The following ECPAS variants were observed in gnomAD, a reference collection of about 807,000 sequenced individuals.
The protein encoded by ECPAS is proteasome adapter and scaffold protein ECM29.
ECPAS carries 70 observed loss-of-function variants against 255.1 expected under a neutral mutation model. That is an observed-to-expected ratio of 0.27 (90% CI 0.23 to 0.33). ECPAS has a LOEUF of 0.33. Among genes scored for constraint, ECPAS ranks in the 10% least tolerant of loss-of-function variants. The pLI, the probability that ECPAS is intolerant of heterozygous loss-of-function variation, is 1.00. For missense variants in ECPAS, 1,817 were observed against 2,206.4 expected (o/e 0.82, Z 3.54); for synonymous variants, 784 against 775.0 (o/e 1.01, Z -0.19).
At chr9:111,389,136 A>G (rs1000942925) in intron 31 of ECPAS, among the ~76,000 whole-genome samples, 15 of 152,242 alleles carry the variant, frequency 9.9e-5, no homozygotes, top group Admixed American at 8.5e-4. Flanking sequence ...GGGACAGAAC[A>G]TGATTAACAG....
intron 3 of ECPAS, among the ~76,000 whole-genome samples, chr9:111,448,365 T>C (rs2098255990): frequency 6.6e-6 from 1 of 152,048 alleles, no homozygotes; most frequent in Non-Finnish European, 1.5e-5. Flanking sequence ...TTAACAATAC[T>C]AATTTTGGAT....
rs780465272 is a variant in ECPAS at position 111,371,642 on chromosome 9, A to C, written c.4716T>G (p.Ala1572=). ...TTACCTTTCCTGCCCACGTTCTTCC[A>C]GCCAGGCCTTGCAGCAATGCGGTCA... ...MILTALLQGL[A]GRTWAGKEEL... is the part of the protein sequence containing the mutation. Residue 1572 remains alanine, a synonymous_variant, in exon 43 of 50, where the codon GCT becomes GCG. Coordinates refer to ENST00000684092, the MANE Select transcript of ECPAS (RefSeq NM_001364929.1). 6.2e-7 allele frequency: 1 copy of C among 1,613,834 alleles called. No homozygotes were observed. Among genetic ancestry groups the C allele is most frequent in the Non-Finnish European group, 8.5e-7 (1 of 1,179,784 alleles).
In ECPAS at chr9:111,378,680, G is replaced by T. The variant is rs774721583; in HGVS notation, c.3854C>A (p.Pro1285Gln). The stretch of plus-strand genomic sequence containing the variant: ...AGCTGGAATGAGTTTTGGTGCATGC[G>T]GTTTCAACATGGCTCCTGCACTTTT... ...ISKSAGAMLK[P>Q]HAPKLIPALL... Residue 1285 changes from proline to glutamine, a missense_variant, in exon 36 of 50, where the codon CCG becomes CAG. Pro to Gln is a moderately conservative substitution (Grantham distance 76, BLOSUM62 -1). Transcript: ENST00000684092. 4 of 1,613,686 alleles carry T rather than the reference G, an allele frequency of 2.5e-6. No homozygotes were observed. In the African/African-American group the frequency reaches 5.3e-5, roughly 22 times the overall value.
At chr9:111,441,213 A>G (rs2098245542) in intron 5 of ECPAS, among the ~76,000 whole-genome samples, 1 of 151,016 alleles carries the variant, frequency 6.6e-6, no homozygotes, top group Non-Finnish European at 1.5e-5. Context: ...AAAAAAAAGA[A>G]TTATTTTCGG....
At chr9:111,390,836 C>A (rs559995830) in intron 29 of ECPAS, among the ~76,000 whole-genome samples, 1 of 152,312 alleles carries the variant, frequency 6.6e-6, no homozygotes, top group Non-Finnish European at 1.5e-5. Context: ...ATTTTAAATG[C>A]TAAAGTAGTG....
In ECPAS at chr9:111,371,664, G is replaced by T. The variant is rs748113907; in HGVS notation, c.4694C>A (p.Thr1565Asn). Reference sequence around the variant, plus strand: ...TCCAGCCAGGCCTTGCAGCAATGCGGTCAGTATCATTCCGAGATATGGAGG... The same window carrying T: ...TCCAGCCAGGCCTTGCAGCAATGCGTTCAGTATCATTCCGAGATATGGAGG... ...LVPPYLGMIL[T>N]ALLQGLAGRT... Residue 1565 changes from threonine (T) to asparagine (N), a missense_variant, in exon 43 of 50, where the codon ACC (threonine) becomes AAC (asparagine). Around this residue, in one of 4 missense-constraint regions of ECPAS, gnomAD observed 960 missense variants for 1,179.0 expected, o/e 0.81. Coordinates refer to ENST00000684092, the MANE Select transcript of ECPAS (RefSeq NM_001364929.1). 1.2e-6 allele frequency: 2 copies of T among 1,613,712 alleles called. No homozygotes were observed. Among genetic ancestry groups the T allele is most frequent in the African/African-American group, 2.7e-5 (2 of 74,884 alleles).
intron 1 of ECPAS, among the ~76,000 whole-genome samples, chr9:111,479,491 A>G (rs1487376659): frequency 6.6e-6 from 1 of 150,872 alleles, no homozygotes; most frequent in African/African-American, 2.4e-5. Flanking sequence ...TACTCGGGAG[A>G]CTGAGGCAGA....
rs769432688 is a variant in ECPAS at position 111,413,995 on chromosome 9, G to A, written c.1988-9C>T. 6 of 1,544,022 alleles carry A rather than the reference G, an allele frequency of 3.9e-6. No homozygotes were observed. The Admixed American group carries it at 7.8e-5, about 20-fold the overall frequency. On this transcript the variant is annotated splice_polypyrimidine_tract_variant and intron_variant, in intron 19 of 49. Transcript: ENST00000684092. ...GTACATAACCGGCAAACCTAAATAAGAATTCAGAATCACCTTAAATTTCAA... is the reference window on the plus strand; with the variant it reads ...GTACATAACCGGCAAACCTAAATAAAAATTCAGAATCACCTTAAATTTCAA...
intron 24 of ECPAS, among the ~76,000 whole-genome samples, chr9:111,401,197 A>G (rs2098175459): frequency 6.6e-6 from 1 of 152,234 alleles, no homozygotes; most frequent in East Asian, 1.9e-4. Flanking sequence ...TATCAGGGGA[A>G]CCAGCCCCCA....
intron 38 of ECPAS, 51 bp from the exon 39 acceptor site, chr9:111,374,089 C>A: frequency 7.0e-7 from 1 of 1,432,062 alleles, no homozygotes; most frequent in Non-Finnish European, 9.8e-7. Context: ...CAATGTTCTA[C>A]CTACCAAACC....
In ECPAS at chr9:111,469,458, C is replaced by T. The variant is rs184032243; in HGVS notation, c.22+3439G>A. On this transcript the variant is annotated intron_variant, in intron 2 of 49. Coordinates refer to ENST00000684092, the MANE Select transcript of ECPAS (RefSeq NM_001364929.1). Reference sequence around the variant, plus strand: ...CTGAGGCAGGAGAATGATTTGAACCCGGGAGGTGGAGCAGTGAGCCGAGAT... The same window carrying T: ...CTGAGGCAGGAGAATGATTTGAACCTGGGAGGTGGAGCAGTGAGCCGAGAT... Among the ~76,000 whole-genome samples the T allele has an allele frequency of 1.0e-3, 156 of 151,748 alleles. 3 individuals are homozygous for T. The East Asian group carries it at 0.019, about 19-fold the overall frequency.
chr9:111,437,704 A>G (rs2098240178), intron 6 of ECPAS, among the ~76,000 whole-genome samples: 1 of 152,180 alleles, frequency 6.6e-6, no homozygotes, highest in African/African-American at 2.4e-5. Flanking sequence ...AAGTTACACA[A>G]GAACTGACTT....
At chr9:111,447,442 T>A (rs2098254776) in intron 3 of ECPAS, among the ~76,000 whole-genome samples, 1 of 152,200 alleles carries the variant, frequency 6.6e-6, no homozygotes. Flanking sequence ...GATTAATTAC[T>A]TAATTTTCTA....
At chr9:111,463,220 A>G (rs2098275330) in intron 2 of ECPAS, among the ~76,000 whole-genome samples, 1 of 152,230 alleles carries the variant, frequency 6.6e-6, no homozygotes, top group Non-Finnish European at 1.5e-5. Context: ...AAACACCGCT[A>G]GTTAGTGCCA....
intron 20 of ECPAS, among the ~76,000 whole-genome samples, chr9:111,412,636 A>T (rs75221286): frequency 0.026 from 3,997 of 152,326 alleles, 127 homozygotes; most frequent in East Asian, 0.14. Context: ...ATACAAAAAC[A>T]GGAGGCAGGC....
At chr9:111,400,662 C>A (rs1273233969) in intron 24 of ECPAS, among the ~76,000 whole-genome samples, 1 of 152,096 alleles carries the variant, frequency 6.6e-6, no homozygotes, top group African/African-American at 2.4e-5. Context: ...TGTGTCTCAA[C>A]AGCAGAACTG....
At chr9:111,421,779 T>G (rs2098214325) in intron 15 of ECPAS, 142 bp downstream of exon 15, 1 of 1,005,130 alleles carries the variant, frequency 9.9e-7, no homozygotes, top group South Asian at 1.8e-5. Flanking sequence ...ATTTTCATCA[T>G]GAAGAATTAA....
chr9:111,398,878 A>G (rs1329252614), intron 24 of ECPAS, among the ~76,000 whole-genome samples: 2 of 152,148 alleles, frequency 1.3e-5, no homozygotes, highest in Non-Finnish European at 2.9e-5. Flanking sequence ...TGGAGGTTGC[A>G]GTGAGCTGAG....
chr9:111,385,527 T>C (rs1019548377), intron 32 of ECPAS, 85 bp from the exon 33 acceptor site: 1 of 808,734 alleles, frequency 1.2e-6, no homozygotes, highest in Non-Finnish European at 2.0e-6. Context: ...AGAATACAGA[T>C]TCTGCCTCTA....
Sources: allele counts gnomAD v4.1 joint callset (sites outside exome capture counted in the v4.1 genomes callset), GRCh38; gene constraint gnomAD v4.1.1; regional missense constraint gnomAD v4.1.1; transcripts MANE v1.5; gene names NCBI Gene and HGNC (gene_info 2026-07-23, HGNC 2026-07-21).